CDH12: variants seen among roughly 807,000 people sequenced by gnomAD.
The protein encoded by CDH12 is cadherin 12.
A neutral mutation model predicts 74.1 loss-of-function variants in CDH12; 41 were observed. The observed-to-expected ratio is 0.55, with a 90% CI of 0.43 to 0.72. The LOEUF (loss-of-function observed/expected upper bound fraction) is 0.72, where lower values mean the gene tolerates loss of function less well. Ranked by LOEUF, CDH12 falls within the 30% of genes least tolerant of loss-of-function variation. CDH12 has a pLI of 0.00. For missense variants in CDH12, 945 were observed against 977.2 expected (o/e 0.97, Z 0.44); for synonymous variants, 399 against 355.0 (o/e 1.12, Z -1.39).
intron 6 of CDH12, among the ~76,000 whole-genome samples, chr5:21,867,404 A>T (rs1751387627): frequency 6.6e-6 from 1 of 152,110 alleles, no homozygotes. Flanking sequence ...CTCTGCCTAG[A>T]TTTCAGAAAA....
At chr5:21,884,392 G>A (rs536944429) in intron 6 of CDH12, 2 of 1,038,708 alleles carry the variant, frequency 1.9e-6, no homozygotes, top group African/African-American at 3.1e-5. Context: ...TAACTTCAGA[G>A]AAGTCAGTTG....
chr5:22,285,998 T>G (rs1580482563), intron 3 of CDH12, among the ~76,000 whole-genome samples: 1 of 152,174 alleles, frequency 6.6e-6, no homozygotes, highest in African/African-American at 2.4e-5. Flanking sequence ...ATAATTATTT[T>G]TATCAATTAT....
chr5:22,428,223 AC>A (rs1407167976), intron 2 of CDH12, among the ~76,000 whole-genome samples: 1 of 150,644 alleles, frequency 6.6e-6, no homozygotes, highest in Non-Finnish European at 1.5e-5. Context: ...ACACACACAC[AC>A]ACACACAATC....
intron 1 of CDH12, among the ~76,000 whole-genome samples, chr5:22,838,308 G>A (rs1040379469): frequency 6.6e-6 from 1 of 152,034 alleles, no homozygotes; most frequent in African/African-American, 2.4e-5. Context: ...AATGTGCTTG[G>A]ATTCCCAGAT....
intron 5 of CDH12, among the ~76,000 whole-genome samples, chr5:22,051,348 C>T (rs1371077356): frequency 6.6e-6 from 1 of 152,090 alleles, no homozygotes; most frequent in Non-Finnish European, 1.5e-5. Flanking sequence ...CCAAATAATA[C>T]TTTCTTTATT....
chr5:21,870,216 G>T lies in CDH12; in HGVS notation c.527-15426C>A, dbSNP rs572489171. On this transcript the variant is annotated intron_variant, in intron 6 of 14. Coordinates refer to ENST00000382254, the MANE Select transcript of CDH12 (RefSeq NM_004061.5). ...TTTCTTTTGAAAATTGCCCAGTCTT[G>T]GGTATGTCTTTATCAACAGCGTGAA... Among the ~76,000 whole-genome samples the T allele has an allele frequency of 2.0e-5, 3 of 152,196 alleles. No individual in the cohort carries two copies. In the South Asian group the frequency reaches 6.2e-4, roughly 32 times the overall value.
intron 6 of CDH12, among the ~76,000 whole-genome samples, chr5:21,955,823 C>T (rs1756070064): frequency 6.6e-6 from 1 of 152,070 alleles, no homozygotes; most frequent in African/African-American, 2.4e-5. Flanking sequence ...AAGAATTGAA[C>T]ATTTTTTTAA....
chr5:22,215,626 C>T (rs371650809), intron 3 of CDH12, among the ~76,000 whole-genome samples: 126 of 152,144 alleles, frequency 8.3e-4, no homozygotes, highest in Middle Eastern at 3.4e-3. Flanking sequence ...TCTAAGTAAA[C>T]GAATATCTCA....
At chr5:22,074,485 C>T (rs1206275009) in intron 5 of CDH12, among the ~76,000 whole-genome samples, 2 of 152,104 alleles carry the variant, frequency 1.3e-5, no homozygotes, top group African/African-American at 2.4e-5. Flanking sequence ...AACTAAAGAG[C>T]TTCCGCACAG....
chr5:21,907,545 A>G (rs1753694356), intron 6 of CDH12, among the ~76,000 whole-genome samples: 1 of 152,180 alleles, frequency 6.6e-6, no homozygotes, highest in Middle Eastern at 3.2e-3. Flanking sequence ...GATTGCCACA[A>G]CCAATTTGAA....
chr5:22,174,312 T>C (rs1356693606), intron 4 of CDH12, among the ~76,000 whole-genome samples: 1 of 151,934 alleles, frequency 6.6e-6, no homozygotes, highest in Non-Finnish European at 1.5e-5. Flanking sequence ...ACTTCAAAAA[T>C]AAAACTTGCT....
chr5:22,806,784 T>C lies in CDH12; in HGVS notation c.-523+46274A>G, dbSNP rs1303944709. 6.6e-5 allele frequency among the ~76,000 whole-genome samples: 10 copies of C among 152,308 alleles called. No homozygotes were observed. In the East Asian group the frequency reaches 7.7e-4, roughly 12 times the overall value. On this transcript the variant is annotated intron_variant, in intron 1 of 14. Transcript: ENST00000382254. ...CTGCAAAAATGTCTTATTTTGAGAA[T>C]TGTGTGTTCATATCCTTTGCCTACT...
rs982372155 is a variant in CDH12 at position 22,250,145 on chromosome 5, T to A, written c.-332-37502A>T. The stretch of plus-strand genomic sequence containing the variant: ...CAGAGAGTTTAATTTGAGCTAAGTA[T>A]GCACTGGAGAGTGCCAGATTAGGCT... On this transcript the variant is annotated intron_variant, in intron 3 of 14. Coordinates refer to ENST00000382254, the MANE Select transcript of CDH12 (RefSeq NM_004061.5). Among the ~76,000 whole-genome samples the A allele has an allele frequency of 2.6e-5, 4 of 152,090 alleles. No individual in the cohort carries two copies. The South Asian group carries it at 8.3e-4, about 32-fold the overall frequency.
At chr5:22,506,403 C>T (rs1257735917) in intron 1 of CDH12, among the ~76,000 whole-genome samples, 1 of 152,040 alleles carries the variant, frequency 6.6e-6, no homozygotes, top group Admixed American at 6.6e-5. Context: ...TACAATACTA[C>T]ACTGTTTATT....
chr5:22,023,824 T>C (rs1345285023), intron 5 of CDH12, among the ~76,000 whole-genome samples: 1 of 152,188 alleles, frequency 6.6e-6, no homozygotes, highest in Non-Finnish European at 1.5e-5. Flanking sequence ...TAGGGCTTTC[T>C]AGAGCATTCT....
At chr5:22,743,282 G>GTATA (rs1452718719) in intron 1 of CDH12, among the ~76,000 whole-genome samples, 1 of 97,898 alleles carries the variant, frequency 1.0e-5, no homozygotes, top group Non-Finnish European at 2.2e-5. Context: ...ATATATATAT[G>GTATA]TATATATATG....
At chr5:22,782,047 A>G (rs1432676780) in intron 1 of CDH12, among the ~76,000 whole-genome samples, 1 of 152,102 alleles carries the variant, frequency 6.6e-6, no homozygotes, top group East Asian at 1.9e-4. Context: ...TGTACCCCAC[A>G]TTGTATTGTT....
intron 1 of CDH12, among the ~76,000 whole-genome samples, chr5:22,523,772 A>T (rs1246434366): frequency 6.6e-6 from 1 of 151,770 alleles, no homozygotes; most frequent in Non-Finnish European, 1.5e-5. Context: ...CTATTTAATT[A>T]TTTTCTTTCC....
intron 3 of CDH12, among the ~76,000 whole-genome samples, chr5:22,347,925 T>G (rs1740186053): frequency 6.6e-6 from 1 of 152,178 alleles, no homozygotes; most frequent in Non-Finnish European, 1.5e-5. Context: ...GAACTTGGCC[T>G]CAGCTATTAA....
Sources: gnomAD v4.1 joint callset for allele counts (sites outside exome capture counted in the v4.1 genomes callset) on GRCh38, gnomAD v4.1.1 for gene constraint, MANE v1.5 for transcripts, NCBI Gene and HGNC (gene_info 2026-07-23, HGNC 2026-07-21) for gene names.